Variants in GRM1 observed in about 807,000 individuals in gnomAD.
The protein encoded by GRM1 is metabotropic glutamate receptor 1.
GRM1 carries 33 observed loss-of-function variants against 90.9 expected under a neutral mutation model. The ratio of observed to expected loss-of-function variants is 0.36; its 90% CI spans 0.28 to 0.49. The LOEUF is 0.49. GRM1 is among the 20% of genes least tolerant of loss of function. GRM1 has a pLI of 0.99. For synonymous variants in GRM1, 700 were observed against 613.2 expected (o/e 1.14, Z -2.09); for missense variants, 1,190 against 1,534.3 (o/e 0.78, Z 3.75).
At chr6:146,312,292 C>T (rs372587681) in intron 3 of GRM1, among the ~76,000 whole-genome samples, 1 of 121,270 alleles carries the variant, frequency 8.2e-6, no homozygotes, top group African/African-American at 3.2e-5. Context: ...AGTGAGCTGA[C>T]ATAGCGCCAC....
chr6:146,126,364 G>A (rs894097460), intron 1 of GRM1, among the ~76,000 whole-genome samples: 2 of 151,866 alleles, frequency 1.3e-5, no homozygotes, highest in Non-Finnish European at 2.9e-5. Context: ...ACAACAATTG[G>A]ATATACTGCT....
At chr6:146,112,680 T>C (rs1427229393) in intron 1 of GRM1, among the ~76,000 whole-genome samples, 1 of 152,216 alleles carries the variant, frequency 6.6e-6, no homozygotes, top group Non-Finnish European at 1.5e-5. Context: ...TATGTTCACA[T>C]TCAGATCACT....
intron 2 of GRM1, among the ~76,000 whole-genome samples, chr6:146,276,914 A>G (rs1562575972): frequency 6.6e-6 from 1 of 152,096 alleles, no homozygotes; most frequent in Non-Finnish European, 1.5e-5. Flanking sequence ...CAGCCTGGTC[A>G]ATATAGTGAT....
chr6:146,260,847 G>T (rs1220762133), intron 2 of GRM1, among the ~76,000 whole-genome samples: 4 of 70,028 alleles, frequency 5.7e-5, no homozygotes, highest in Non-Finnish European at 9.6e-5. Flanking sequence ...TGCAATTGAG[G>T]TGTAGGAGTT....
chr6:146,207,646 G>T (rs1196913100), intron 2 of GRM1, among the ~76,000 whole-genome samples: 1 of 152,086 alleles, frequency 6.6e-6, no homozygotes, highest in African/African-American at 2.4e-5. Flanking sequence ...CAGATATTTG[G>T]CCATAATACT....
At chr6:146,385,345 AAAT>A (rs1776464169) in intron 5 of GRM1, among the ~76,000 whole-genome samples, 1 of 152,032 alleles carries the variant, frequency 6.6e-6, no homozygotes, top group African/African-American at 2.4e-5. Context: ...CTGAAAGCAA[AAAT>A]AATAATAATA....
chr6:146,227,208 G>A (rs540193645), intron 2 of GRM1, among the ~76,000 whole-genome samples: 12 of 151,758 alleles, frequency 7.9e-5, no homozygotes, highest in Admixed American at 5.9e-4. Context: ...AGTATATAAC[G>A]TGTGTGTGTA....
intron 2 of GRM1, among the ~76,000 whole-genome samples, chr6:146,200,534 A>G (rs1779265888): frequency 6.6e-6 from 1 of 152,150 alleles, no homozygotes; most frequent in Admixed American, 6.5e-5. Flanking sequence ...GCCATATATC[A>G]TGCAGGAGCA....
At chr6:146,092,825 A>G (rs1378522493) in intron 1 of GRM1, among the ~76,000 whole-genome samples, 1 of 152,094 alleles carries the variant, frequency 6.6e-6, no homozygotes, top group Non-Finnish European at 1.5e-5. Context: ...CACTGGAAAC[A>G]TTGTTCAATG....
At chr6:146,221,339 T>G (rs942541354) in intron 2 of GRM1, among the ~76,000 whole-genome samples, 5 of 152,072 alleles carry the variant, frequency 3.3e-5, no homozygotes, top group African/African-American at 1.2e-4. Flanking sequence ...ATGCTCTCCC[T>G]CCCTTAGCCT....
At chr6:146,233,719 T>C (rs1320262699) in intron 2 of GRM1, among the ~76,000 whole-genome samples, 1 of 152,148 alleles carries the variant, frequency 6.6e-6, no homozygotes, top group Non-Finnish European at 1.5e-5. Context: ...GTAATTAAAA[T>C]ATAGTTTACT....
At chr6:146,200,999 G>A (rs1040843119) in intron 2 of GRM1, among the ~76,000 whole-genome samples, 1 of 152,136 alleles carries the variant, frequency 6.6e-6, no homozygotes, top group African/African-American at 2.4e-5. Flanking sequence ...ATGTCTCAGG[G>A]CAGACATGGT....
At position 146,029,927 on chromosome 6, in the gene GRM1, T is replaced by C; in HGVS notation, c.410T>C (p.Ile137Thr). ...LISIRDEKDG[I>T]NRCLPDGQSL... ...TCCATTCGAGATGAGAAGGATGGGA[T>C]CAACCGGTGTCTGCCTGACGGCCAG... Residue 137 changes from isoleucine (I) to threonine (T), a missense_variant, in exon 1 of 8, where the codon ATC becomes ACC. Ile to Thr is a moderately conservative substitution (Grantham distance 89). Transcript: ENST00000282753. The C allele has an allele frequency of 6.2e-7, 1 of 1,614,112 alleles. No individual in the cohort carries two copies. Among genetic ancestry groups the C allele is most frequent in the Non-Finnish European group, 8.5e-7 (1 of 1,180,018 alleles).
chr6:146,269,262 G>A (rs1782025425), intron 2 of GRM1, among the ~76,000 whole-genome samples: 1 of 152,154 alleles, frequency 6.6e-6, no homozygotes, highest in Admixed American at 6.5e-5. Context: ...CATCAAGCCA[G>A]ATTTCATGTT....
At chr6:146,221,365 G>A (rs1473565422) in intron 2 of GRM1, among the ~76,000 whole-genome samples, 1 of 151,880 alleles carries the variant, frequency 6.6e-6, no homozygotes, top group Non-Finnish European at 1.5e-5. Flanking sequence ...CCGCTGACAG[G>A]CCCCAGTGTG....
Position 146,246,694 on chromosome 6 carries a change from A to AT in GRM1, c.951-57910dup, listed in dbSNP as rs573563112. Among the ~76,000 whole-genome samples, 683 of 152,262 alleles carry AT rather than the reference A, an allele frequency of 4.5e-3. 3 individuals carry two copies. Among genetic ancestry groups the AT allele is most frequent in the Non-Finnish European group, 5.9e-3 (401 of 68,018 alleles). ...AATAAAACAATGCAGACTTTGCATT[A>AT]TTTTTTTAAATCCAATACATGAAAT... On this transcript the variant is annotated intron_variant, in intron 2 of 7. Transcript: ENST00000282753.
At chr6:146,392,291 C>T (rs987920494) in intron 6 of GRM1, among the ~76,000 whole-genome samples, 1 of 152,098 alleles carries the variant, frequency 6.6e-6, no homozygotes, top group Non-Finnish European at 1.5e-5. Flanking sequence ...GTCCAATCCA[C>T]AGTTAAAGTC....
chr6:146,249,734 G>A (rs1440338024), intron 2 of GRM1, among the ~76,000 whole-genome samples: 1 of 152,098 alleles, frequency 6.6e-6, no homozygotes, highest in African/African-American at 2.4e-5. Context: ...TGAGAAGAGG[G>A]CCACCATCCT....
chr6:146,259,188 A>G (rs1344832279), intron 2 of GRM1, among the ~76,000 whole-genome samples: 1 of 152,028 alleles, frequency 6.6e-6, no homozygotes, highest in Non-Finnish European at 1.5e-5. Flanking sequence ...TTAATCCATC[A>G]AGTCCTAGTT....
Sources: gnomAD v4.1 joint callset for allele counts (sites outside exome capture counted in the v4.1 genomes callset) on GRCh38, gnomAD v4.1.1 for gene constraint, MANE v1.5 for transcripts, NCBI Gene and HGNC (gene_info 2026-07-23, HGNC 2026-07-21) for gene names.